DEPTOR: variants seen among roughly 807,000 people sequenced by gnomAD.
DEPTOR encodes DEP domain-containing mTOR-interacting protein.
In DEPTOR, 41 loss-of-function variants were observed where a neutral mutation model predicts 41.6. That is an observed-to-expected ratio of 0.98 (90% CI 0.77 to 1.28). DEPTOR has a LOEUF of 1.28. Among genes scored for constraint, DEPTOR ranks in the 50% most tolerant of loss-of-function variants. DEPTOR has a pLI of 0.00. For synonymous variants in DEPTOR, 195 were observed against 192.3 expected (o/e 1.01, Z -0.12); for missense variants, 514 against 527.9 (o/e 0.97, Z 0.26).
Position 119,897,316 on chromosome 8 carries a change from C to T in DEPTOR, c.122+23348C>T, listed in dbSNP as rs142755361. Among the ~76,000 whole-genome samples, 821 of 152,152 alleles carry T rather than the reference C, an allele frequency of 5.4e-3. 9 individuals are homozygous for T. The highest frequency in any genetic ancestry group is 0.019 in the African/African-American group (782 of 41,524). On this transcript the variant is annotated intron_variant, in intron 1 of 8. Coordinates refer to ENST00000286234, the MANE Select transcript of DEPTOR (RefSeq NM_022783.4). ...TTGGGAGGCCGAGGTGGGCAGATCA[C>T]GAAGTCAGGAGTTCGAGACCAGCCT...
chr8:119,878,991 T>C (rs1490355430), intron 1 of DEPTOR, among the ~76,000 whole-genome samples: 2 of 151,846 alleles, frequency 1.3e-5, no homozygotes, highest in Non-Finnish European at 2.9e-5. Flanking sequence ...ATGCCTGTAA[T>C]GTCAGCTACT....
chr8:120,020,617 A>G (rs1203269192), intron 8 of DEPTOR, among the ~76,000 whole-genome samples: 2 of 152,078 alleles, frequency 1.3e-5, no homozygotes, highest in Non-Finnish European at 2.9e-5. Flanking sequence ...GTAGGGCTTG[A>G]GTTTCTAGTT....
intron 2 of DEPTOR, among the ~76,000 whole-genome samples, 186 bp downstream of exon 2, chr8:119,928,764 T>G (rs553610536): frequency 2.0e-5 from 2 of 100,880 alleles, no homozygotes; most frequent in East Asian, 2.1e-4. Flanking sequence ...TTTTTTTTTG[T>G]ATTTTTAGTA....
intron 8 of DEPTOR, among the ~76,000 whole-genome samples, chr8:120,044,959 C>T (rs576264634): frequency 6.6e-6 from 1 of 152,264 alleles, no homozygotes; most frequent in East Asian, 1.9e-4. Flanking sequence ...AGTTGCAAAA[C>T]CACAATTGCT....
intron 4 of DEPTOR, among the ~76,000 whole-genome samples, chr8:119,968,774 G>T (rs926088340): frequency 6.6e-6 from 1 of 152,158 alleles, no homozygotes; most frequent in African/African-American, 2.4e-5. Context: ...GTGTGACCTT[G>T]GAGTTGGGTG....
intron 6 of DEPTOR, among the ~76,000 whole-genome samples, chr8:120,006,176 G>T (rs981891159): frequency 7.2e-5 from 11 of 152,076 alleles, no homozygotes; most frequent in African/African-American, 2.4e-4. Flanking sequence ...ACTCAGAAAA[G>T]TTCACTAGCA....
chr8:119,971,950 A>G (rs75698884), intron 4 of DEPTOR, among the ~76,000 whole-genome samples: 2,598 of 152,280 alleles, frequency 0.017, 70 homozygotes, highest in African/African-American at 0.059. Context: ...GATACAACAC[A>G]ATTCAGTGCA....
At chr8:119,965,145 G>A (rs1828540367) in intron 3 of DEPTOR, 87 bp from the exon 4 acceptor site, 3 of 1,413,598 alleles carry the variant, frequency 2.1e-6, no homozygotes, top group South Asian at 2.9e-5. Context: ...CAACTTTGCT[G>A]TAGTACTTCA....
chr8:119,881,364 T>A (rs114321928), intron 1 of DEPTOR, among the ~76,000 whole-genome samples: 2,830 of 151,622 alleles, frequency 0.019, 88 homozygotes, highest in African/African-American at 0.064. Context: ...TCTGCTAAAA[T>A]TACAAAAAAA....
At chr8:120,036,421 G>T (rs1812980250) in intron 8 of DEPTOR, among the ~76,000 whole-genome samples, 1 of 152,156 alleles carries the variant, frequency 6.6e-6, no homozygotes. Flanking sequence ...CTAGTTCTCT[G>T]GAGAGAATTC....
intron 1 of DEPTOR, among the ~76,000 whole-genome samples, chr8:119,924,252 T>C (rs1241432509): frequency 6.6e-6 from 1 of 152,214 alleles, no homozygotes; most frequent in African/African-American, 2.4e-5. Context: ...GGGATATTTT[T>C]GCTGCTGCAA....
intron 8 of DEPTOR, among the ~76,000 whole-genome samples, chr8:120,032,590 C>T (rs1812909578): frequency 6.6e-6 from 1 of 152,128 alleles, no homozygotes; most frequent in African/African-American, 2.4e-5. Flanking sequence ...AGGCTGTGAC[C>T]TTGTTGGCTG....
intron 1 of DEPTOR, among the ~76,000 whole-genome samples, chr8:119,884,502 C>T (rs1037762995): frequency 2.0e-5 from 3 of 151,164 alleles, no homozygotes; most frequent in East Asian, 1.9e-4. Context: ...GAATTATTTG[C>T]TGATTTAAGG....
At chr8:119,913,375 CAA>C (rs1827769340) in intron 1 of DEPTOR, among the ~76,000 whole-genome samples, 1 of 152,176 alleles carries the variant, frequency 6.6e-6, no homozygotes, top group Non-Finnish European at 1.5e-5. Context: ...GGGGCAATGA[CAA>C]AAGTTGTTCA....
At chr8:119,981,652 C>CAAAAAAA (rs33975978) in intron 4 of DEPTOR, among the ~76,000 whole-genome samples, 3 of 136,878 alleles carry the variant, frequency 2.2e-5, no homozygotes, top group African/African-American at 5.5e-5. Flanking sequence ...GACCCTATCT[C>CAAAAAAA]AAAAAAAAAA....
chr8:119,916,119 A>G (rs1010933815), intron 1 of DEPTOR, among the ~76,000 whole-genome samples: 5 of 152,060 alleles, frequency 3.3e-5, no homozygotes, highest in Non-Finnish European at 7.4e-5. Flanking sequence ...CTTTGTCCAA[A>G]GTTACACAGT....
At position 119,970,347 on chromosome 8, in the gene DEPTOR, G is replaced by C. The variant is rs527984945; in HGVS notation, c.604+4937G>C. ...TTGTGGCATTAGTATTATTATTGCA[G>C]ATTTACAGTGAAGAAATCTGGTCTT... On this transcript the variant is annotated intron_variant, in intron 4 of 8. Coordinates refer to ENST00000286234, the MANE Select transcript of DEPTOR (RefSeq NM_022783.4). 1.2e-4 allele frequency among the ~76,000 whole-genome samples: 18 copies of C among 152,260 alleles called. No homozygotes were observed. The East Asian group carries it at 3.5e-3, about 29-fold the overall frequency.
intron 8 of DEPTOR, among the ~76,000 whole-genome samples, chr8:120,048,705 G>C (rs186090905): frequency 1.3e-5 from 2 of 152,168 alleles, no homozygotes; most frequent in African/African-American, 4.8e-5. Context: ...TTTTTGAAAG[G>C]AAAGAGATTA....
rs1424441398 is a variant in DEPTOR, at chr8:119,936,353, A to G, written c.425+6415A>G. Among the ~76,000 whole-genome samples, 3 of 152,180 alleles carry G rather than the reference A, an allele frequency of 2.0e-5. No homozygotes were observed. In the East Asian group the frequency reaches 5.8e-4, roughly 29 times the overall value. On this transcript the variant is annotated intron_variant, in intron 3 of 8. Transcript: ENST00000286234. ...TTGTTGAATGAACAAAGGGCTCTACATGTTGTGATCGCTATAAGCTGCTGA... is the reference window on the plus strand; with the variant it reads ...TTGTTGAATGAACAAAGGGCTCTACGTGTTGTGATCGCTATAAGCTGCTGA...
Sources: gnomAD v4.1 joint callset for allele counts (sites outside exome capture counted in the v4.1 genomes callset) on GRCh38, gnomAD v4.1.1 for gene constraint, MANE v1.5 for transcripts, NCBI Gene and HGNC (gene_info 2026-07-23, HGNC 2026-07-21) for gene names.